The following CCDC171 variants were observed in gnomAD, a reference collection of about 807,000 sequenced individuals.
CCDC171 encodes the protein coiled-coil domain containing 171, also known as coiled-coil domain-containing protein 171.
CCDC171 carries 177 observed loss-of-function variants against 168.2 expected under a neutral mutation model. The ratio of observed to expected loss-of-function variants is 1.05; its 90% CI spans 0.93 to 1.19. The LOEUF (loss-of-function observed/expected upper bound fraction) is 1.19, where lower values mean the gene tolerates loss of function less well. Ranked by LOEUF, CCDC171 falls within the 50% of genes most tolerant of loss-of-function variation. CCDC171 has a pLI of 0.00. For synonymous variants in CCDC171, 687 were observed against 540.8 expected, an observed-to-expected ratio of 1.27 and a Z score of -3.75; for missense variants, 1,991 against 1,539.0, an observed-to-expected ratio of 1.29 and a Z score of -4.91.
intron 8 of CCDC171, among the ~76,000 whole-genome samples, chr9:15,663,179 G>C (rs1333063801): frequency 6.6e-6 from 1 of 152,202 alleles, no homozygotes; most frequent in Admixed American, 6.5e-5. Flanking sequence ...CTGGGATTCA[G>C]CCTGAGTTTT....
intron 12 of CCDC171, 119 bp from the exon 13 acceptor site, chr9:15,723,562 A>G: frequency 3.0e-6 from 2 of 667,476 alleles, no homozygotes; most frequent in Non-Finnish European, 5.2e-6. Flanking sequence ...AAAAATTTGT[A>G]TTTAAGTAAT....
At chr9:15,691,841 C>A (rs1241865281) in intron 10 of CCDC171, among the ~76,000 whole-genome samples, 1 of 151,890 alleles carries the variant, frequency 6.6e-6, no homozygotes, top group African/African-American at 2.4e-5. Context: ...CCATGGCTGT[C>A]TGGTTTTTCA....
chr9:15,668,998 G>T (rs569311587), intron 9 of CCDC171, among the ~76,000 whole-genome samples: 1 of 152,064 alleles, frequency 6.6e-6, no homozygotes, highest in Admixed American at 6.5e-5. Flanking sequence ...GCAGTATATT[G>T]TTTTACCTGT....
the CCDC171 span, among the ~76,000 whole-genome samples, chr9:16,096,933 G>GCTTT: frequency 6.6e-6 from 1 of 152,186 alleles, no homozygotes. Flanking sequence ...TAGCACTGAT[G>GCTTT]AAAGCCAAGT....
In CCDC171 at chr9:15,889,642, A is replaced by G. The variant is rs117256178; in HGVS notation, c.3600+14979A>G. ...CAAACTAAAGGCACATTTTCACTCC[A>G]TGCCAGTAGGAATCCTCTGAGGCAT... On this transcript the variant is annotated intron_variant, in intron 24 of 25. Coordinates refer to ENST00000380701, the MANE Select transcript of CCDC171 (RefSeq NM_173550.4). 4.1e-4 allele frequency among the ~76,000 whole-genome samples: 63 copies of G among 152,322 alleles called. No homozygotes were observed. In the East Asian group the frequency reaches 0.012, roughly 29 times the overall value.
At chr9:15,743,648 T>C (rs182628719) in intron 16 of CCDC171, among the ~76,000 whole-genome samples, 1 of 152,362 alleles carries the variant, frequency 6.6e-6, no homozygotes, top group East Asian at 1.9e-4. Context: ...AGAGGGCTGC[T>C]GAGGCCCAGC....
intron 6 of CCDC171, among the ~76,000 whole-genome samples, chr9:15,599,940 C>T (rs561966500): frequency 5.3e-5 from 8 of 152,284 alleles, no homozygotes; most frequent in Admixed American, 2.0e-4. Context: ...TTGATCGAAT[C>T]GGCTACTGAA....
At position 15,623,327 on chromosome 9, in the gene CCDC171, A is replaced by G; in HGVS notation, c.736A>G (p.Met246Val). ...AGTAGAAAAATTAGAAACAGAACATATGGACTGCTCTGACCTTTTACGGCG... is the reference window on the plus strand; with the variant it reads ...AGTAGAAAAATTAGAAACAGAACATGTGGACTGCTCTGACCTTTTACGGCG... ...KKVEKLETEH[M>V]DCSDLLRRQT... Residue 246 changes from methionine to valine, a missense_variant, in exon 7 of 26, where the codon ATG (methionine) becomes GTG (valine). Physicochemically the swap from Met to Val is conservative, Grantham distance 21 (BLOSUM62 1). Coordinates refer to ENST00000380701, the MANE Select transcript of CCDC171 (RefSeq NM_173550.4). 1 of 1,609,456 alleles carries G rather than the reference A, an allele frequency of 6.2e-7. No homozygotes were observed. Among genetic ancestry groups the G allele is most frequent in the Non-Finnish European group, 8.5e-7 (1 of 1,176,890 alleles).
intron 21 of CCDC171, among the ~76,000 whole-genome samples, chr9:15,829,408 C>G (rs1054875685): frequency 3.9e-5 from 6 of 151,998 alleles, no homozygotes; most frequent in African/African-American, 1.4e-4. Context: ...AAAATGAAAG[C>G]CTTGATTCTG....
intron 21 of CCDC171, among the ~76,000 whole-genome samples, chr9:15,796,185 A>G (rs1206669066): frequency 1.3e-5 from 2 of 152,250 alleles, no homozygotes; most frequent in Non-Finnish European, 2.9e-5. Flanking sequence ...AAGTTAAGAC[A>G]TGAAAATATA....
At chr9:15,702,974 G>C (rs1358336871) in intron 11 of CCDC171, among the ~76,000 whole-genome samples, 1 of 150,440 alleles carries the variant, frequency 6.6e-6, no homozygotes, top group African/African-American at 2.5e-5. Flanking sequence ...CGCGATCTCT[G>C]CTCACTGCAA....
chr9:15,988,416 TAG>T (rs1832067756), intron 3 of CCDC171, among the ~76,000 whole-genome samples: 1 of 152,204 alleles, frequency 6.6e-6, no homozygotes, highest in Admixed American at 6.5e-5. Context: ...GTTTTGGTCT[TAG>T]AAGTTTCTGT....
chr9:15,860,944 G>GTGTA (rs1195512489), intron 23 of CCDC171, among the ~76,000 whole-genome samples: 4 of 151,508 alleles, frequency 2.6e-5, no homozygotes, highest in South Asian at 4.2e-4. Flanking sequence ...GGATGTGTGT[G>GTGTA]TGTGTGTGTG....
intron 21 of CCDC171, among the ~76,000 whole-genome samples, chr9:15,839,033 C>T (rs1480620239): frequency 1.3e-5 from 2 of 152,098 alleles, no homozygotes; most frequent in Non-Finnish European, 2.9e-5. Flanking sequence ...AAAGCAACAG[C>T]CCAATGTGTC....
intron 8 of CCDC171, among the ~76,000 whole-genome samples, chr9:15,665,400 TAA>T (rs2048662249): frequency 6.6e-6 from 1 of 152,200 alleles, no homozygotes; most frequent in Non-Finnish European, 1.5e-5. Context: ...ATCTCAGGAA[TAA>T]AAAGATCTGT....
At chr9:15,918,332 G>A (rs1331952663) in intron 24 of CCDC171, among the ~76,000 whole-genome samples, 10 of 150,956 alleles carry the variant, frequency 6.6e-5, no homozygotes, top group Admixed American at 2.0e-4. Flanking sequence ...ACAAGAAAAC[G>A]ACTCTTTTTC....
intron 22 of CCDC171, among the ~76,000 whole-genome samples, chr9:15,847,925 G>A (rs1195459145): frequency 1.3e-5 from 2 of 152,022 alleles, no homozygotes; most frequent in Admixed American, 6.6e-5. Flanking sequence ...GTAAAGCTAT[G>A]TAACATTGCA....
At chr9:15,830,317 T>C (rs2060176724) in intron 21 of CCDC171, among the ~76,000 whole-genome samples, 1 of 152,232 alleles carries the variant, frequency 6.6e-6, no homozygotes, top group South Asian at 2.1e-4. Context: ...TTACATGTTA[T>C]AACCAGCAGA....
intron 10 of CCDC171, among the ~76,000 whole-genome samples, chr9:15,681,238 G>C (rs749486859): frequency 3.3e-5 from 5 of 152,106 alleles, no homozygotes; most frequent in Non-Finnish European, 7.4e-5. Context: ...TTCAAAGCTT[G>C]ATGGATTGCT....
Sources: gnomAD v4.1 joint callset for allele counts (sites outside exome capture counted in the v4.1 genomes callset) on GRCh38, gnomAD v4.1.1 for gene constraint, MANE v1.5 for transcripts, NCBI Gene and HGNC (gene_info 2026-07-23, HGNC 2026-07-21) for gene names.